Variants in MPZL1 observed in about 807,000 individuals in gnomAD.
MPZL1 encodes the protein myelin protein zero-like protein 1.
MPZL1 carries 16 observed loss-of-function variants against 29.3 expected under a neutral mutation model. The observed-to-expected ratio is 0.55, with a 90% CI of 0.37 to 0.83. The LOEUF is 0.83. Among genes scored for constraint, MPZL1 ranks in the 40% least tolerant of loss-of-function variants. The pLI is 0.00. For synonymous variants in MPZL1, 143 were observed against 132.0 expected, an observed-to-expected ratio of 1.08 and a Z score of -0.57; for missense variants, 279 against 332.9, an observed-to-expected ratio of 0.84 and a Z score of 1.26.
intron 1 of MPZL1, among the ~76,000 whole-genome samples, chr1:167,740,456 A>G (rs1234648942): frequency 1.3e-5 from 2 of 152,078 alleles, no homozygotes; most frequent in Non-Finnish European, 2.9e-5. Flanking sequence ...ATGACTTCTC[A>G]GTCCCTCCTC....
rs1379058708 is a variant in MPZL1 at position 167,791,136 on chromosome 1, A to G, written c.*3215A>G. On this transcript the variant is annotated 3_prime_UTR_variant, in exon 6 of 6. Coordinates refer to ENST00000359523, the MANE Select transcript of MPZL1 (RefSeq NM_003953.6). ...CCCTCAGTTCTGCTCTAGTTACTCT[A>G]TTTCTCTCCCTCTTTCCCAGTACAC... 1 of 151,168 alleles carries G rather than the reference A, an allele frequency of 6.6e-6. No homozygotes were observed. Among genetic ancestry groups the G allele is most frequent in the African/African-American group, 2.4e-5 (1 of 41,006 alleles). 9.4% of individuals were successfully genotyped at this position (151,168 alleles called of 1,614,324 possible). A position where few individuals can be genotyped will look rare whatever the true frequency, so the allele number is the denominator to read the frequency against.
chr1:167,722,777 C>T (rs757826546), intron 1 of MPZL1, among the ~76,000 whole-genome samples: 5 of 152,020 alleles, frequency 3.3e-5, no homozygotes, highest in Non-Finnish European at 7.4e-5. Flanking sequence ...TTTAAGTCTC[C>T]GTAATAAAAG....
At chr1:167,779,136 GAAA>G (rs973667968) in intron 5 of MPZL1, among the ~76,000 whole-genome samples, 1 of 148,886 alleles carries the variant, frequency 6.7e-6, no homozygotes, top group African/African-American at 2.5e-5. Context: ...AAGAAAAAAA[GAAA>G]AAAAAGAAAG....
intron 1 of MPZL1, among the ~76,000 whole-genome samples, chr1:167,753,569 G>T (rs541880323): frequency 1.1e-4 from 16 of 152,148 alleles, no homozygotes; most frequent in African/African-American, 3.9e-4. Flanking sequence ...ATTGGTTTGT[G>T]GTTAGGCCGT....
chr1:167,748,657 C>T (rs1660697226), intron 1 of MPZL1, among the ~76,000 whole-genome samples: 1 of 152,090 alleles, frequency 6.6e-6, no homozygotes, highest in Admixed American at 6.6e-5. Context: ...TTTTGTTACT[C>T]ATGCTTTTGG....
chr1:167,759,559 C>T (rs1037896180), intron 1 of MPZL1, among the ~76,000 whole-genome samples: 9 of 152,180 alleles, frequency 5.9e-5, no homozygotes, highest in Non-Finnish European at 7.3e-5. Context: ...TCGTGCTCAC[C>T]GTAGTTGGTC....
chr1:167,774,979 A>G (rs557826399), intron 4 of MPZL1: 1 of 152,320 alleles, frequency 6.6e-6, no homozygotes, highest in South Asian at 2.1e-4. Context: ...AATATGTCAC[A>G]TGTTTGTATT....
At chr1:167,745,003 A>C (rs1390070818) in intron 1 of MPZL1, among the ~76,000 whole-genome samples, 1 of 152,158 alleles carries the variant, frequency 6.6e-6, no homozygotes, top group Admixed American at 6.6e-5. Flanking sequence ...AAAAGGGTTT[A>C]TGACTCACTT....
chr1:167,745,205 G>T (rs1660620031), intron 1 of MPZL1, among the ~76,000 whole-genome samples: 1 of 151,968 alleles, frequency 6.6e-6, no homozygotes. Flanking sequence ...GGCTCACTTG[G>T]GCTTTCTTAT....
chr1:167,765,372 G>T, intron 1 of MPZL1: 1 of 313,282 alleles, frequency 3.2e-6, no homozygotes, highest in Non-Finnish European at 5.9e-6. Flanking sequence ...TAACTAAAAA[G>T]CAATACAAAC....
chr1:167,740,781 C>G (rs1195812277), intron 1 of MPZL1, among the ~76,000 whole-genome samples: 5 of 152,194 alleles, frequency 3.3e-5, no homozygotes, highest in Admixed American at 3.3e-4. Flanking sequence ...GTCTCATTGA[C>G]ATTGCAAACT....
intron 1 of MPZL1, among the ~76,000 whole-genome samples, chr1:167,740,857 A>G (rs1351974564): frequency 1.3e-5 from 2 of 152,178 alleles, no homozygotes; most frequent in Admixed American, 6.5e-5. Context: ...CCAGTTGCTC[A>G]AGCTAGAAAC....
At chr1:167,742,837 C>T (rs987158191) in intron 1 of MPZL1, among the ~76,000 whole-genome samples, 14 of 152,082 alleles carry the variant, frequency 9.2e-5, no homozygotes, top group African/African-American at 3.4e-4. Context: ...GATCCAGTTT[C>T]ATTCTCCTAC....
At chr1:167,727,382 G>T (rs951996409) in intron 1 of MPZL1, among the ~76,000 whole-genome samples, 2 of 152,160 alleles carry the variant, frequency 1.3e-5, no homozygotes, top group African/African-American at 2.4e-5. Context: ...TGAATTATTT[G>T]TGTAAGACAT....
chr1:167,746,876 GA>G (rs3835594), intron 1 of MPZL1, among the ~76,000 whole-genome samples: 8,606 of 152,090 alleles, frequency 0.057, 785 homozygotes, highest in African/African-American at 0.19. Flanking sequence ...CAAAATTTAA[GA>G]AAAAATAAGT....
intron 5 of MPZL1, 28 bp from the exon 6 acceptor site, chr1:167,787,792 C>T: frequency 6.4e-7 from 1 of 1,558,566 alleles, no homozygotes; most frequent in African/African-American, 1.4e-5. Flanking sequence ...GTTTTCAGTC[C>T]TCTAATCCTT....
chr1:167,729,139 G>A (rs766458823), intron 1 of MPZL1, among the ~76,000 whole-genome samples: 43 of 151,888 alleles, frequency 2.8e-4, no homozygotes, highest in African/African-American at 9.4e-4. Context: ...GGGTGGTGGC[G>A]CACACCTATA....
At chr1:167,726,416 T>C (rs1288481946) in intron 1 of MPZL1, among the ~76,000 whole-genome samples, 2 of 152,232 alleles carry the variant, frequency 1.3e-5, no homozygotes, top group Non-Finnish European at 2.9e-5. Flanking sequence ...TCATCTGTCT[T>C]GTTTATAGAA....
At chr1:167,763,994 A>G (rs1558119959) in intron 1 of MPZL1, among the ~76,000 whole-genome samples, 1 of 152,192 alleles carries the variant, frequency 6.6e-6, no homozygotes, top group African/African-American at 2.4e-5. Context: ...CTTGGCTGAG[A>G]GTCAGTTAAG....
Sources: gnomAD v4.1 joint callset for allele counts (sites outside exome capture counted in the v4.1 genomes callset) on GRCh38, gnomAD v4.1.1 for gene constraint, MANE v1.5 for transcripts, NCBI Gene and HGNC (gene_info 2026-07-23, HGNC 2026-07-21) for gene names.